Variants in DNAJC16 observed in about 807,000 individuals in gnomAD.
The protein encoded by DNAJC16 is dnaJ homolog subfamily C member 16.
A neutral mutation model predicts 92.7 loss-of-function variants in DNAJC16; 76 were observed. That is an observed-to-expected ratio of 0.82 (90% CI 0.68 to 0.99). The LOEUF is 0.99. DNAJC16 is among the 50% of genes least tolerant of loss of function. The probability of loss-of-function intolerance (pLI) is 0.00; values close to 1 mark genes in which losing one functional copy is unlikely to be tolerated. For missense variants in DNAJC16, 869 were observed against 942.4 expected (o/e 0.92, Z 1.02); for synonymous variants, 328 against 358.7 (o/e 0.91, Z 0.97).
chr1:15,546,665 A>G, intron 5 of DNAJC16, 102 bp from the exon 6 acceptor site: 1 of 880,214 alleles, frequency 1.1e-6, no homozygotes, highest in African/African-American at 1.7e-5. Context: ...TATTTTTTGC[A>G]ATCTTTTACA....
intron 2 of DNAJC16, among the ~76,000 whole-genome samples, chr1:15,529,499 A>G (rs1710603346): frequency 6.6e-6 from 1 of 152,228 alleles, no homozygotes; most frequent in Non-Finnish European, 1.5e-5. Context: ...ACTTTGGCTT[A>G]AAGAATTGCC....
chr1:15,552,861 G>A (rs1343679372), intron 7 of DNAJC16, among the ~76,000 whole-genome samples: 1 of 150,200 alleles, frequency 6.7e-6, no homozygotes, highest in East Asian at 2.0e-4. Flanking sequence ...TCCGCCTCCT[G>A]GGTTCAAGTG....
Position 15,529,176 on chromosome 1 carries a change from C to T in DNAJC16, c.71C>T (p.Ser24Phe), listed in dbSNP as rs2103399813. The T allele has an allele frequency of 6.2e-7, 1 of 1,614,116 alleles. No homozygotes were observed. Among genetic ancestry groups the T allele is most frequent in the African/African-American group, 1.3e-5 (1 of 75,044 alleles). ...IVLVLILQIL[S>F]ALDFDPYRVL... ...CTGGTTCTGATCCTGCAAATTCTGT[C>T]TGCGTTGGATTTTGACCCATACAGA... Residue 24 changes from serine to phenylalanine, a missense_variant, in exon 2 of 15, where the codon TCT (serine) becomes TTT (phenylalanine). Transcript: ENST00000375847.
chr1:15,561,911 C>T (rs923122163), intron 8 of DNAJC16, among the ~76,000 whole-genome samples: 13 of 151,756 alleles, frequency 8.6e-5, no homozygotes, highest in African/African-American at 2.9e-4. Flanking sequence ...TTTTAAAATT[C>T]GTAAATGTGG....
At chr1:15,549,312 C>G (rs1286735885) in intron 7 of DNAJC16, among the ~76,000 whole-genome samples, 1 of 152,120 alleles carries the variant, frequency 6.6e-6, no homozygotes, top group East Asian at 1.9e-4. Flanking sequence ...GTATAGGAAT[C>G]GAGATCTTAA....
chr1:15,538,268 G>A (rs577663761), intron 4 of DNAJC16, among the ~76,000 whole-genome samples: 1 of 152,102 alleles, frequency 6.6e-6, no homozygotes, highest in Admixed American at 6.6e-5. Context: ...GGTGGCGGGT[G>A]CCTGTAGTCC....
At chr1:15,561,861 T>C (rs950993969) in intron 8 of DNAJC16, among the ~76,000 whole-genome samples, 9 of 151,834 alleles carry the variant, frequency 5.9e-5, no homozygotes, top group Non-Finnish European at 1.0e-4. Flanking sequence ...AAACTATATA[T>C]ATATAGTTTT....
intron 2 of DNAJC16, among the ~76,000 whole-genome samples, chr1:15,530,669 GC>G (rs1169998462): frequency 2.0e-5 from 3 of 152,180 alleles, no homozygotes; most frequent in African/African-American, 7.2e-5. Context: ...CTTATAATGA[GC>G]CTATGAAGGA....
rs766123035 is a variant in DNAJC16, at chr1:15,568,083, A to G, written c.2255A>G (p.Lys752Arg). 1.9e-6 allele frequency: 3 copies of G among 1,614,190 alleles called. No individual in the cohort carries two copies. Among genetic ancestry groups the G allele is most frequent in the East Asian group, 2.2e-5 (1 of 44,886 alleles). ...TGTGGCCTTGGATCCAGGCCCATCA[A>G]AGGAAAGTTGAGCAAGCTCTCTTTA... ...PSCGLGSRPI[K>R]GKLSKLSLWM... is the part of the protein sequence containing the mutation. The change falls in exon 15 of 15, where the codon AAA (lysine) becomes AGA (arginine). Residue 752 changes from lysine (K) to arginine (R), a missense_variant. By Grantham distance (26) the Lys-to-Arg change is conservative. Coordinates refer to ENST00000375847, the MANE Select transcript of DNAJC16 (RefSeq NM_015291.4).
chr1:15,550,995 G>T (rs1013914034), intron 7 of DNAJC16, among the ~76,000 whole-genome samples: 2 of 152,092 alleles, frequency 1.3e-5, no homozygotes, highest in Admixed American at 6.6e-5. Flanking sequence ...TCAGCCTCCC[G>T]AGTTGCTGGG....
Position 15,559,547 on chromosome 1 carries a change from A to G in DNAJC16, c.1045A>G (p.Ile349Val). ...VIQARGMKKQ[I>V]IDDFITRNKY... Reference sequence around the variant, plus strand: ...CTAGGCCCGAGGTATGAAGAAGCAAATCATTGACGACTTCATCACCCGAAA... The same window carrying G: ...CTAGGCCCGAGGTATGAAGAAGCAAGTCATTGACGACTTCATCACCCGAAA... Residue 349 changes from isoleucine to valine, a missense_variant, in exon 8 of 15, where the codon ATC (isoleucine) becomes GTC (valine). Transcript: ENST00000375847. 7 of 1,614,140 alleles carry G rather than the reference A, an allele frequency of 4.3e-6. No homozygotes were observed. Among genetic ancestry groups the G allele is most frequent in the Non-Finnish European group, 5.9e-6 (7 of 1,180,008 alleles).
intron 4 of DNAJC16, among the ~76,000 whole-genome samples, chr1:15,541,682 A>G (rs1570907671): frequency 1.3e-5 from 2 of 152,340 alleles, no homozygotes; most frequent in East Asian, 3.9e-4. Flanking sequence ...TAAGCGCACA[A>G]GAGCACAAAG....
chr1:15,564,667 T>C (rs1166573648), intron 11 of DNAJC16, among the ~76,000 whole-genome samples: 1 of 151,768 alleles, frequency 6.6e-6, no homozygotes, highest in African/African-American at 2.4e-5. Flanking sequence ...TAGCTGGGAT[T>C]ACAGGCACCT....
At position 15,568,394 on chromosome 1, in the gene DNAJC16, G is replaced by A; in HGVS notation, c.*217G>A. ...CCTAGATGAAAATCTTTTCCTCTGGGTGTTATTTTTCCCCACTGAATGCCA... is the reference window on the plus strand; with the variant it reads ...CCTAGATGAAAATCTTTTCCTCTGGATGTTATTTTTCCCCACTGAATGCCA... On this transcript the variant is annotated 3_prime_UTR_variant, in exon 15 of 15. Coordinates refer to ENST00000375847, the MANE Select transcript of DNAJC16 (RefSeq NM_015291.4). The A allele has an allele frequency of 1.8e-6, 1 of 544,682 alleles. No homozygotes were observed. The highest frequency in any genetic ancestry group is 3.2e-6 in the Non-Finnish European group (1 of 311,630). 33.7% of individuals were successfully genotyped at this position (544,682 alleles called of 1,614,324 possible). A position where few individuals can be genotyped will look rare whatever the true frequency, so the allele number is the denominator to read the frequency against.
At position 15,559,525 on chromosome 1, in the gene DNAJC16, G is replaced by A; in HGVS notation, c.1024-1G>A. ...CTAGCTGATTCTTGGTTTTTCTCTA[G>A]GCCCGAGGTATGAAGAAGCAAATCA... On this transcript the variant is annotated splice_acceptor_variant, in intron 7 of 14. Transcript: ENST00000375847. LOFTEE classifies it high-confidence loss of function. 6.2e-7 allele frequency: 1 copy of A among 1,613,890 alleles called. No individual in the cohort carries two copies. Among genetic ancestry groups the A allele is most frequent in the Non-Finnish European group, 8.5e-7 (1 of 1,179,890 alleles).
chr1:15,536,072 C>CTTTTTTTTTTTT (rs758451008), intron 3 of DNAJC16, among the ~76,000 whole-genome samples: 3 of 84,574 alleles, frequency 3.5e-5, no homozygotes, highest in East Asian at 2.7e-4. Context: ...CTTTTCTTTT[C>CTTTTTTTTTTTT]TTTTTTTTTT....
rs376881628 is a variant in DNAJC16, at chr1:15,564,121, G to A, written c.1521+10G>A. Reference sequence around the variant, plus strand: ...CGATGAACTTGCCCCTGTGAGCATCGGGGCTGGGAAGGGTGGGACACCAGG... The same window carrying A: ...CGATGAACTTGCCCCTGTGAGCATCAGGGCTGGGAAGGGTGGGACACCAGG... On this transcript the variant is annotated intron_variant, in intron 10 of 14. Coordinates refer to ENST00000375847, the MANE Select transcript of DNAJC16 (RefSeq NM_015291.4). 74 of 1,613,660 alleles carry A rather than the reference G, an allele frequency of 4.6e-5. No homozygotes were observed. Among genetic ancestry groups the A allele is most frequent in the Non-Finnish European group, 6.1e-5 (72 of 1,179,824 alleles).
At position 15,546,627 on chromosome 1, in the gene DNAJC16, A is replaced by C. The variant is rs993696237; in HGVS notation, c.760-140A>C. Reference sequence around the variant, plus strand: ...TCTTTTAATAGCTTTAGCCAAATGAAGACAAAAAGATTAGTTATCTGCATT... The same window carrying C: ...TCTTTTAATAGCTTTAGCCAAATGACGACAAAAAGATTAGTTATCTGCATT... On this transcript the variant is annotated intron_variant, in intron 5 of 14. Transcript: ENST00000375847. 50 of 628,692 alleles carry C rather than the reference A, an allele frequency of 8.0e-5. 2 individuals carry two copies. Among genetic ancestry groups the C allele is most frequent in the Non-Finnish European group, 1.2e-4 (43 of 365,802 alleles). 38.9% of individuals were successfully genotyped at this position (628,692 alleles called of 1,614,324 possible).
chr1:15,554,609 G>A (rs1638523625), intron 7 of DNAJC16, among the ~76,000 whole-genome samples: 1 of 152,104 alleles, frequency 6.6e-6, no homozygotes, highest in Non-Finnish European at 1.5e-5. Context: ...TCCTTCAAAA[G>A]CATTATAGCT....
Sources: allele counts gnomAD v4.1 joint callset (sites outside exome capture counted in the v4.1 genomes callset), GRCh38; gene constraint gnomAD v4.1.1; transcripts MANE v1.5; gene names NCBI Gene and HGNC (gene_info 2026-07-23, HGNC 2026-07-21).